CDH13: variants seen among roughly 807,000 people sequenced by gnomAD.
CDH13 encodes cadherin 13.
In CDH13, 24 loss-of-function variants were observed where a neutral mutation model predicts 63.8. That is an observed-to-expected ratio of 0.38 (90% CI 0.27 to 0.53). The LOEUF is 0.53. CDH13 is among the 20% of genes least tolerant of loss of function. The probability of loss-of-function intolerance (pLI) is 0.85; values close to 1 mark genes in which losing one functional copy is unlikely to be tolerated. For synonymous variants in CDH13, 503 were observed against 355.3 expected, an observed-to-expected ratio of 1.42 and a Z score of -4.67; for missense variants, 1,049 against 903.1, an observed-to-expected ratio of 1.16 and a Z score of -2.07.
intron 4 of CDH13, among the ~76,000 whole-genome samples, chr16:83,146,785 T>C (rs1597415968): frequency 6.6e-6 from 1 of 152,182 alleles, no homozygotes; most frequent in African/African-American, 2.4e-5. Context: ...CAAAGTATTA[T>C]TTTAAAAAGG....
At chr16:82,899,800 T>G (rs1021237110) in intron 2 of CDH13, among the ~76,000 whole-genome samples, 18 of 152,196 alleles carry the variant, frequency 1.2e-4, no homozygotes, top group African/African-American at 3.6e-4. Context: ...ACAAAGTGAA[T>G]CGCTATGTGT....
intron 1 of CDH13, among the ~76,000 whole-genome samples, chr16:82,820,235 G>A (rs781223115): frequency 1.1e-4 from 17 of 152,134 alleles, no homozygotes; most frequent in Non-Finnish European, 2.4e-4. Context: ...AGTCAATAGT[G>A]AATGGAAAGC....
At position 82,974,406 on chromosome 16, in the gene CDH13, C is replaced by A. The variant is rs188808510; in HGVS notation, c.158-57604C>A. On this transcript the variant is annotated intron_variant, in intron 2 of 13. Coordinates refer to ENST00000567109, the MANE Select transcript of CDH13 (RefSeq NM_001257.5). Reference sequence around the variant, plus strand: ...AACACCCTGAATAACTGCAGCAATACCCTTTACGATTCACATGCAGATGGG... The same window carrying A: ...AACACCCTGAATAACTGCAGCAATAACCTTTACGATTCACATGCAGATGGG... 3.3e-4 allele frequency among the ~76,000 whole-genome samples: 50 copies of A among 152,268 alleles called. 1 individual carries two copies. The highest frequency in any genetic ancestry group is 1.2e-3 in the African/African-American group (48 of 41,556).
At chr16:82,697,531 C>G (rs752469325) in intron 1 of CDH13, among the ~76,000 whole-genome samples, 51 of 141,250 alleles carry the variant, frequency 3.6e-4, no homozygotes, top group Non-Finnish European at 1.1e-4. Context: ...CGGGTTCAAG[C>G]AATTCTTCTG....
chr16:83,118,258 C>CTGTTCCTGTTCCTG (rs553811409), intron 3 of CDH13, among the ~76,000 whole-genome samples: 51 of 152,286 alleles, frequency 3.3e-4, no homozygotes, highest in African/African-American at 1.0e-3. Flanking sequence ...GTTCCTGTGA[C>CTGTTCCTGTTCCTG]TGAGGGGATT....
intron 6 of CDH13, among the ~76,000 whole-genome samples, chr16:83,357,838 T>C (rs865856681): frequency 1.8e-4 from 27 of 152,320 alleles, no homozygotes; most frequent in African/African-American, 6.0e-4. Context: ...TACCTTTTTA[T>C]AGTGAGCCAC....
Position 83,322,032 on chromosome 16 carries a change from G to C in CDH13, c.637-22830G>C, listed in dbSNP as rs75700650. On this transcript the variant is annotated intron_variant, in intron 5 of 13. Transcript: ENST00000567109. The stretch of plus-strand genomic sequence containing the variant: ...GTGCAAGGCCACTGGAGACAGCAGG[G>C]ACTTCAGCAGGGCTGGCTGCAGACT... 4.6e-5 allele frequency among the ~76,000 whole-genome samples: 7 copies of C among 152,324 alleles called. No homozygotes were observed. In the East Asian group the frequency reaches 1.4e-3, roughly 29 times the overall value.
At chr16:83,101,545 C>A (rs548293312) in intron 3 of CDH13, among the ~76,000 whole-genome samples, 4 of 152,088 alleles carry the variant, frequency 2.6e-5, no homozygotes, top group South Asian at 2.1e-4. Flanking sequence ...CTAAGCCCAG[C>A]ACTTTGGGAG....
intron 10 of CDH13, among the ~76,000 whole-genome samples, chr16:83,684,170 C>T (rs1261817721): frequency 1.3e-5 from 2 of 152,248 alleles, no homozygotes; most frequent in East Asian, 1.9e-4. Context: ...AGTTCGAGAC[C>T]AGCCTGGCCA....
intron 2 of CDH13, among the ~76,000 whole-genome samples, chr16:82,935,287 G>A (rs2042632742): frequency 1.3e-5 from 2 of 152,138 alleles, no homozygotes; most frequent in Admixed American, 1.3e-4. Context: ...TCACTATCAT[G>A]AGAACAGCAT....
intron 3 of CDH13, among the ~76,000 whole-genome samples, chr16:83,044,381 T>TA (rs1366256775): frequency 6.6e-6 from 1 of 152,186 alleles, no homozygotes; most frequent in African/African-American, 2.4e-5. Flanking sequence ...TTGTTAGTAA[T>TA]AAAAAATAAA....
chr16:82,934,824 G>C (rs1160106729), intron 2 of CDH13, among the ~76,000 whole-genome samples: 1 of 152,182 alleles, frequency 6.6e-6, no homozygotes, highest in Non-Finnish European at 1.5e-5. Flanking sequence ...CTCTGTCTGA[G>C]ATCACCTCAG....
chr16:82,827,940 G>T (rs1279096533), intron 1 of CDH13, among the ~76,000 whole-genome samples: 1 of 152,162 alleles, frequency 6.6e-6, no homozygotes, highest in Non-Finnish European at 1.5e-5. Context: ...AGTAGGAGTA[G>T]AGTATCCAGT....
chr16:83,743,162 G>A (rs1329268134), intron 10 of CDH13, among the ~76,000 whole-genome samples: 1 of 152,086 alleles, frequency 6.6e-6, no homozygotes, highest in Non-Finnish European at 1.5e-5. Context: ...GGCTGAGATC[G>A]CTGCCACTGC....
intron 7 of CDH13, among the ~76,000 whole-genome samples, chr16:83,568,599 G>A (rs950487757): frequency 1.3e-5 from 2 of 152,160 alleles, no homozygotes; most frequent in Non-Finnish European, 1.5e-5. Flanking sequence ...CCGAGTGGGG[G>A]CAGGGGGTTG....
At chr16:82,788,658 C>T (rs1416608884) in intron 1 of CDH13, among the ~76,000 whole-genome samples, 1 of 152,208 alleles carries the variant, frequency 6.6e-6, no homozygotes, top group Non-Finnish European at 1.5e-5. Flanking sequence ...ATAGGCCTAA[C>T]AGCCAGCATT....
intron 5 of CDH13, among the ~76,000 whole-genome samples, chr16:83,260,369 T>TCATTTTGC (rs1263428792): frequency 2.4e-4 from 37 of 152,330 alleles, no homozygotes; most frequent in Admixed American, 2.0e-3. Flanking sequence ...TGAGTGGGGC[T>TCATTTTGC]AGGTGTCCAG....
chr16:83,725,100 C>T (rs1910226537), intron 10 of CDH13, among the ~76,000 whole-genome samples: 1 of 152,172 alleles, frequency 6.6e-6, no homozygotes, highest in Non-Finnish European at 1.5e-5. Flanking sequence ...ATGAAAGTGA[C>T]ATTTGAGGTG....
At chr16:83,082,567 G>A (rs1039794421) in intron 3 of CDH13, among the ~76,000 whole-genome samples, 8 of 152,112 alleles carry the variant, frequency 5.3e-5, no homozygotes, top group Non-Finnish European at 5.9e-5. Flanking sequence ...ACTGAACCCG[G>A]GAGGCAGAGG....
Sources: allele counts gnomAD v4.1 joint callset (sites outside exome capture counted in the v4.1 genomes callset), GRCh38; gene constraint gnomAD v4.1.1; transcripts MANE v1.5; gene names NCBI Gene and HGNC (gene_info 2026-07-23, HGNC 2026-07-21).